Variants in CALN1 observed in about 807,000 individuals in gnomAD.
CALN1 encodes the protein calcium-binding protein 8.
Under a neutral mutation model 30.6 loss-of-function variants are expected in CALN1, and 17 were observed. The observed-to-expected ratio is 0.56, with a 90% CI of 0.38 to 0.83. The LOEUF is 0.83. Ranked by LOEUF, CALN1 falls within the 40% of genes least tolerant of loss-of-function variation. The pLI is 0.00. For missense variants in CALN1, 291 were observed against 354.9 expected, an observed-to-expected ratio of 0.82 and a Z score of 1.45; for synonymous variants, 156 against 131.4, an observed-to-expected ratio of 1.19 and a Z score of -1.28.
chr7:71,905,807 G>T (rs1261876358), intron 5 of CALN1, among the ~76,000 whole-genome samples: 1 of 152,066 alleles, frequency 6.6e-6, no homozygotes, highest in Non-Finnish European at 1.5e-5. Flanking sequence ...TTCTCACACT[G>T]CCATAAAGAT....
In CALN1 at chr7:72,328,652, T is replaced by C. The variant is rs73362917; in HGVS notation, c.120-49842A>G. 6.3e-3 allele frequency among the ~76,000 whole-genome samples: 962 copies of C among 152,318 alleles called. 11 individuals are homozygous for C. The highest frequency in any genetic ancestry group is 0.021 in the African/African-American group (861 of 41,566). ...AGGGGAAAGTGTTTTGTAGATATAG[T>C]CTCCCAACATTCTATTCAAGGCATT... On this transcript the variant is annotated intron_variant, in intron 2 of 6. Transcript: ENST00000395275.
At chr7:72,106,125 G>A (rs181847238) in intron 4 of CALN1, 26 bp downstream of exon 4, 8 of 1,610,822 alleles carry the variant, frequency 5.0e-6, no homozygotes, top group Middle Eastern at 1.7e-4. Context: ...ATGTCTCAGG[G>A]GAGAAGCTGC....
chr7:72,494,000 G>A, the CALN1 span, among the ~76,000 whole-genome samples: 2 of 152,262 alleles, frequency 1.3e-5, no homozygotes, highest in African/African-American at 4.8e-5. Context: ...GACCAGCCTG[G>A]GCAACATAGA....
chr7:72,029,903 T>C (rs1476724468), intron 4 of CALN1, among the ~76,000 whole-genome samples: 1 of 152,244 alleles, frequency 6.6e-6, no homozygotes, highest in African/African-American at 2.4e-5. Flanking sequence ...AGGGAACCTC[T>C]GATTTATGGT....
intron 2 of CALN1, among the ~76,000 whole-genome samples, chr7:72,319,608 G>A (rs1800730339): frequency 6.6e-6 from 1 of 152,210 alleles, no homozygotes; most frequent in Non-Finnish European, 1.5e-5. Context: ...TAGCACCATA[G>A]ATGGAACAGG....
intron 1 of CALN1, among the ~76,000 whole-genome samples, chr7:72,445,379 C>A (rs1808497567): frequency 6.6e-6 from 1 of 152,088 alleles, no homozygotes; most frequent in Non-Finnish European, 1.5e-5. Flanking sequence ...CCGCTTCTAC[C>A]CTCAGCTCCA....
chr7:72,077,725 T>C (rs1033951819), intron 4 of CALN1, among the ~76,000 whole-genome samples: 1 of 152,184 alleles, frequency 6.6e-6, no homozygotes, highest in Non-Finnish European at 1.5e-5. Context: ...AGGGGACAAA[T>C]GACACTGGTG....
chr7:72,058,872 A>G (rs1006509597), intron 4 of CALN1, among the ~76,000 whole-genome samples: 15 of 152,174 alleles, frequency 9.9e-5, no homozygotes, highest in African/African-American at 2.2e-4. Context: ...TAAAAAAACA[A>G]AAGTCGAAAA....
At chr7:71,921,752 T>C (rs933934743) in intron 5 of CALN1, among the ~76,000 whole-genome samples, 4 of 152,190 alleles carry the variant, frequency 2.6e-5, no homozygotes, top group African/African-American at 4.8e-5. Context: ...CTCTCTTCCA[T>C]GTCTAGCCTG....
chr7:72,216,153 A>T (rs1437998586), intron 3 of CALN1, among the ~76,000 whole-genome samples: 1 of 152,078 alleles, frequency 6.6e-6, no homozygotes, highest in Non-Finnish European at 1.5e-5. Context: ...GGTAGCTCAC[A>T]TCTATAATCT....
chr7:72,465,569 T>G, the CALN1 span, among the ~76,000 whole-genome samples: 45 of 152,250 alleles, frequency 3.0e-4, no homozygotes, highest in East Asian at 6.2e-3. Context: ...AAATTGACCA[T>G]GGAGCTCTCC....
chr7:71,921,039 G>C (rs186742226), intron 5 of CALN1, among the ~76,000 whole-genome samples: 3 of 152,184 alleles, frequency 2.0e-5, no homozygotes, highest in Non-Finnish European at 4.4e-5. Flanking sequence ...AAAAGGATGC[G>C]TTCATGTCCT....
At chr7:72,095,424 T>C (rs890208259) in intron 4 of CALN1, among the ~76,000 whole-genome samples, 3 of 152,220 alleles carry the variant, frequency 2.0e-5, no homozygotes, top group South Asian at 2.1e-4. Flanking sequence ...CAAGCCATAA[T>C]TCACTAACAC....
At chr7:72,185,208 A>G (rs993572625) in intron 3 of CALN1, among the ~76,000 whole-genome samples, 13 of 152,128 alleles carry the variant, frequency 8.5e-5, no homozygotes, top group Non-Finnish European at 1.6e-4. Context: ...GTCCAAGCGT[A>G]GAAAATGTAC....
Position 72,440,421 on chromosome 7 carries a change from C to T in CALN1, c.-226+6621G>A, listed in dbSNP as rs12671411. Among the ~76,000 whole-genome samples the T allele has an allele frequency of 1.4e-4, 21 of 152,328 alleles. No homozygotes were observed. The East Asian group carries it at 4.0e-3, about 29-fold the overall frequency. ...TTATGACCAGCCAGGCACAGGGGCT[C>T]ATGTCTGTAATCTCAATACTTTGGG... On this transcript the variant is annotated intron_variant, in intron 1 of 6. Coordinates refer to the CALN1 transcript ENST00000395276.
intron 5 of CALN1, among the ~76,000 whole-genome samples, chr7:71,900,499 G>A (rs1341837136): frequency 6.6e-6 from 1 of 152,214 alleles, no homozygotes; most frequent in Non-Finnish European, 1.5e-5. Flanking sequence ...ATTAGTAGCA[G>A]TTCTATACAC....
intron 3 of CALN1, among the ~76,000 whole-genome samples, chr7:72,260,124 A>C (rs1796167190): frequency 1.3e-5 from 2 of 152,202 alleles, no homozygotes; most frequent in Admixed American, 1.3e-4. Flanking sequence ...TCTAGAGGCC[A>C]GGAGTGTGAG....
At chr7:72,124,371 A>G (rs1808596480) in intron 3 of CALN1, among the ~76,000 whole-genome samples, 1 of 152,232 alleles carries the variant, frequency 6.6e-6, no homozygotes, top group Non-Finnish European at 1.5e-5. Flanking sequence ...GAGGGAATTA[A>G]AACAATAATA....
chr7:72,307,385 TC>T (rs937711580), intron 2 of CALN1, among the ~76,000 whole-genome samples: 1 of 152,186 alleles, frequency 6.6e-6, no homozygotes. Context: ...AGGTTTCTTC[TC>T]ATTCTGCCAT....
Sources: gnomAD v4.1 joint callset for allele counts (sites outside exome capture counted in the v4.1 genomes callset) on GRCh38, gnomAD v4.1.1 for gene constraint, MANE v1.5 for transcripts, NCBI Gene and HGNC (gene_info 2026-07-23, HGNC 2026-07-21) for gene names.